Variants in THSD7B observed in about 807,000 individuals in gnomAD.
The protein encoded by THSD7B is thrombospondin type 1 domain containing 7B, also known as thrombospondin type-1 domain-containing protein 7B.
Under a neutral mutation model 213.6 loss-of-function variants are expected in THSD7B, and 138 were observed. The observed-to-expected ratio is 0.65, with a 90% confidence interval of 0.56 to 0.74. The LOEUF is 0.74. Among genes scored for constraint, THSD7B ranks in the 30% least tolerant of loss-of-function variants. The pLI is 0.00. For synonymous variants in THSD7B, 742 were observed against 687.0 expected (o/e 1.08, Z -1.25); for missense variants, 1,931 against 1,991.5 (o/e 0.97, Z 0.58).
intron 12 of THSD7B, among the ~76,000 whole-genome samples, chr2:137,340,038 G>A (rs1347982394): frequency 2.6e-5 from 4 of 151,718 alleles, no homozygotes; most frequent in Non-Finnish European, 2.9e-5. Flanking sequence ...CTAGTTCAGT[G>A]TTTGGTACAT....
At chr2:137,042,977 G>A (rs1437562219) in intron 2 of THSD7B, among the ~76,000 whole-genome samples, 4 of 152,152 alleles carry the variant, frequency 2.6e-5, no homozygotes, top group Admixed American at 6.5e-5. Context: ...CTGTGTGCTC[G>A]CCCAGCTTGG....
chr2:137,666,378 T>C (rs1261919960), intron 26 of THSD7B, among the ~76,000 whole-genome samples: 2 of 152,050 alleles, frequency 1.3e-5, no homozygotes, highest in Non-Finnish European at 2.9e-5. Context: ...TTTATGACCA[T>C]AGAAAAATAC....
At chr2:137,377,459 T>C (rs1399906470) in intron 12 of THSD7B, among the ~76,000 whole-genome samples, 1 of 152,162 alleles carries the variant, frequency 6.6e-6, no homozygotes, top group East Asian at 1.9e-4. Context: ...AAAATCATTT[T>C]TTTTCTGACT....
intron 1 of THSD7B, among the ~76,000 whole-genome samples, chr2:136,870,918 G>A (rs778173): frequency 0.82 from 124,888 of 152,170 alleles, 51,745 homozygotes; most frequent in Non-Finnish European, 0.88. Context: ...GGAAAGCAAG[G>A]GTGGAAGCAG....
intron 12 of THSD7B, among the ~76,000 whole-genome samples, chr2:137,325,794 G>A (rs556319823): frequency 2.6e-5 from 4 of 152,216 alleles, no homozygotes; most frequent in East Asian, 3.9e-4. Flanking sequence ...ATTCTACTAC[G>A]CAGAACTCAA....
chr2:137,091,743 A>G (rs1687952063), intron 3 of THSD7B, among the ~76,000 whole-genome samples: 1 of 152,052 alleles, frequency 6.6e-6, no homozygotes, highest in African/African-American at 2.4e-5. Context: ...CTTTATTTTA[A>G]TCACCTCTTT....
intron 1 of THSD7B, among the ~76,000 whole-genome samples, chr2:136,802,641 A>ATATG (rs1457640833): frequency 3.4e-5 from 2 of 58,392 alleles, no homozygotes; most frequent in East Asian, 6.1e-4. Flanking sequence ...AATTAAGTTT[A>ATATG]TATATATATA....
intron 20 of THSD7B, among the ~76,000 whole-genome samples, chr2:137,641,690 G>C (rs138491013): frequency 6.6e-6 from 1 of 152,176 alleles, no homozygotes; most frequent in Non-Finnish European, 1.5e-5. Flanking sequence ...CTAATGCCTA[G>C]GAGGGGGCAG....
chr2:136,979,627 A>T (rs1256004583), intron 2 of THSD7B, among the ~76,000 whole-genome samples: 1 of 152,138 alleles, frequency 6.6e-6, no homozygotes, highest in African/African-American at 2.4e-5. Context: ...CAGTTCCATC[A>T]GGTCATTTAT....
intron 3 of THSD7B, among the ~76,000 whole-genome samples, chr2:137,077,453 G>A (rs1382331050): frequency 6.6e-6 from 1 of 152,152 alleles, no homozygotes; most frequent in East Asian, 1.9e-4. Flanking sequence ...CAGTGTAAGA[G>A]TGTTCCTATT....
chr2:136,861,610 C>A (rs151091318), intron 1 of THSD7B, among the ~76,000 whole-genome samples: 22 of 152,298 alleles, frequency 1.4e-4, no homozygotes, highest in African/African-American at 5.3e-4. Context: ...AATCCACCAG[C>A]AGAATAATCA....
chr2:137,336,731 G>C (rs1684646526), intron 12 of THSD7B, among the ~76,000 whole-genome samples: 1 of 152,042 alleles, frequency 6.6e-6, no homozygotes, highest in Non-Finnish European at 1.5e-5. Context: ...TGTCTAACTG[G>C]AGTTATGTAG....
At chr2:136,933,678 T>A (rs1292676395) in intron 2 of THSD7B, among the ~76,000 whole-genome samples, 1 of 122,538 alleles carries the variant, frequency 8.2e-6, no homozygotes, top group Non-Finnish European at 2.1e-5. Context: ...GCTATCTTTT[T>A]AATAATCAAT....
chr2:137,522,167 A>G (rs10197834), intron 15 of THSD7B, among the ~76,000 whole-genome samples: 44,037 of 152,082 alleles, frequency 0.29, 6,939 homozygotes, highest in African/African-American at 0.41. Flanking sequence ...ACTCCCCATG[A>G]GTGCTCTATA....
chr2:137,650,785 A>C (rs1558871644), intron 21 of THSD7B, among the ~76,000 whole-genome samples: 1 of 152,122 alleles, frequency 6.6e-6, no homozygotes, highest in Non-Finnish European at 1.5e-5. Flanking sequence ...AAGAGTTTCT[A>C]TCATAAAGGG....
intron 12 of THSD7B, among the ~76,000 whole-genome samples, chr2:137,375,480 T>C (rs927045691): frequency 6.6e-6 from 1 of 152,214 alleles, no homozygotes; most frequent in African/African-American, 2.4e-5. Context: ...ATTTCCTTCA[T>C]GTTTCTCGCA....
intron 1 of THSD7B, among the ~76,000 whole-genome samples, chr2:136,822,863 A>C (rs902980889): frequency 1.3e-5 from 2 of 152,202 alleles, no homozygotes; most frequent in African/African-American, 4.8e-5. Context: ...CTGATATCTG[A>C]CTTCCCTAGA....
intron 9 of THSD7B, among the ~76,000 whole-genome samples, chr2:137,241,317 G>A (rs187150246): frequency 2.5e-4 from 38 of 152,140 alleles, no homozygotes; most frequent in Non-Finnish European, 5.3e-4. Flanking sequence ...TTTTCTTCTT[G>A]GTGTAACACT....
intron 12 of THSD7B, among the ~76,000 whole-genome samples, chr2:137,378,530 T>C (rs555972844): frequency 6.6e-6 from 1 of 152,354 alleles, no homozygotes; most frequent in African/African-American, 2.4e-5. Context: ...ATGGAGATTA[T>C]TGGGGTTCAA....
Sources: allele counts gnomAD v4.1 joint callset (sites outside exome capture counted in the v4.1 genomes callset), GRCh38; gene constraint gnomAD v4.1.1; transcripts MANE v1.5; gene names NCBI Gene and HGNC (gene_info 2026-07-23, HGNC 2026-07-21).